ZMAT4: variants seen among roughly 807,000 people sequenced by gnomAD.
ZMAT4 encodes zinc finger matrin-type 4, also known as zinc finger matrin-type protein 4.
A neutral mutation model predicts 28.7 loss-of-function variants in ZMAT4; 17 were observed. That is an observed-to-expected ratio of 0.59 (90% CI 0.41 to 0.89). The LOEUF (loss-of-function observed/expected upper bound fraction) is 0.89. Ranked by LOEUF, ZMAT4 falls within the 40% of genes least tolerant of loss-of-function variation. ZMAT4 has a pLI of 0.00. For synonymous variants in ZMAT4, 117 were observed against 109.2 expected (o/e 1.07, Z -0.44); for missense variants, 240 against 283.8 (o/e 0.85, Z 1.11).
intron 5 of ZMAT4, among the ~76,000 whole-genome samples, chr8:40,643,439 A>G (rs899907234): frequency 6.6e-6 from 1 of 152,186 alleles, no homozygotes; most frequent in African/African-American, 2.4e-5. Context: ...TGAAGCTAGC[A>G]TGGTGGGGAA....
At chr8:40,685,113 C>T (rs1809343198) in intron 4 of ZMAT4, among the ~76,000 whole-genome samples, 1 of 122,872 alleles carries the variant, frequency 8.1e-6, no homozygotes, top group South Asian at 2.8e-4. Context: ...TTTATCTCAA[C>T]TGCCATTTGG....
chr8:40,620,392 G>A (rs1806153400), intron 5 of ZMAT4, among the ~76,000 whole-genome samples: 1 of 152,234 alleles, frequency 6.6e-6, no homozygotes, highest in African/African-American at 2.4e-5. Flanking sequence ...TCAGGCCACA[G>A]GATAAGGACA....
At chr8:40,570,743 C>CAAACAAAA (rs764257682) in intron 6 of ZMAT4, among the ~76,000 whole-genome samples, 21 of 151,774 alleles carry the variant, frequency 1.4e-4, no homozygotes, top group Admixed American at 5.9e-4. Context: ...AACAAACAAA[C>CAAACAAAA]AAACAAAAAA....
intron 6 of ZMAT4, among the ~76,000 whole-genome samples, chr8:40,574,216 G>A (rs993703386): frequency 6.6e-6 from 1 of 152,066 alleles, no homozygotes; most frequent in Non-Finnish European, 1.5e-5. Context: ...AGTTAGTGTA[G>A]TTGATGTTGG....
At chr8:40,567,287 C>G (rs1192018930) in intron 6 of ZMAT4, among the ~76,000 whole-genome samples, 6 of 152,118 alleles carry the variant, frequency 3.9e-5, no homozygotes, top group African/African-American at 1.4e-4. Flanking sequence ...AAGAAAAATA[C>G]ATGGTTCCTA....
rs376360770 is a variant in ZMAT4, at chr8:40,532,191, G to A, written c.*32C>T. 25 of 1,577,572 alleles carry A rather than the reference G, an allele frequency of 1.6e-5. No homozygotes were observed. The highest frequency in any genetic ancestry group is 1.2e-5 in the Non-Finnish European group (14 of 1,161,408). On this transcript the variant is annotated 3_prime_UTR_variant, in exon 7 of 7. Transcript: ENST00000297737. ...TTCTCCACGGCAGAGAAATGCTAAT[G>A]TTTTGTTCTTATGTCTTGATTGATG...
At chr8:40,539,331 G>T (rs1563331502) in intron 6 of ZMAT4, among the ~76,000 whole-genome samples, 1 of 152,162 alleles carries the variant, frequency 6.6e-6, no homozygotes, top group Non-Finnish European at 1.5e-5. Context: ...CTCACTCCCA[G>T]ATCCTCACAT....
chr8:40,709,612 T>C (rs1023600768), intron 3 of ZMAT4, among the ~76,000 whole-genome samples: 2 of 152,194 alleles, frequency 1.3e-5, no homozygotes, highest in African/African-American at 4.8e-5. Flanking sequence ...GACATATAAG[T>C]ATAAAGGACC....
At chr8:40,816,671 A>G (rs1815553802) in intron 2 of ZMAT4, among the ~76,000 whole-genome samples, 2 of 152,234 alleles carry the variant, frequency 1.3e-5, no homozygotes, top group Admixed American at 1.3e-4. Context: ...GTTCTATTCT[A>G]GGACTTCTAG....
intron 1 of ZMAT4, among the ~76,000 whole-genome samples, chr8:40,835,243 GA>G (rs1300189033): frequency 3.3e-5 from 5 of 152,152 alleles, no homozygotes; most frequent in Admixed American, 3.3e-4. Context: ...AAACAGAAAA[GA>G]TCACTAGCCT....
intron 1 of ZMAT4, among the ~76,000 whole-genome samples, chr8:40,829,401 A>G (rs934615946): frequency 1.3e-5 from 2 of 152,234 alleles, no homozygotes; most frequent in African/African-American, 4.8e-5. Flanking sequence ...ACGCAGTACT[A>G]GAGCAGGGAG....
chr8:40,569,479 A>C (rs1214690786), intron 6 of ZMAT4, among the ~76,000 whole-genome samples: 2 of 152,220 alleles, frequency 1.3e-5, no homozygotes, highest in Non-Finnish European at 1.5e-5. Flanking sequence ...GCACTACACT[A>C]ACTTACAGAA....
chr8:40,740,990 GCGCACA>G (rs1811977574), intron 3 of ZMAT4, among the ~76,000 whole-genome samples: 2 of 86,258 alleles, frequency 2.3e-5, no homozygotes, highest in East Asian at 3.7e-4. Flanking sequence ...TTTGATAAAT[GCGCACA>G]CACACACACA....
chr8:40,655,529 GA>G (rs2118835855), intron 5 of ZMAT4, among the ~76,000 whole-genome samples: 1 of 150,558 alleles, frequency 6.6e-6, no homozygotes, highest in South Asian at 2.1e-4. Flanking sequence ...CAAAATTGGA[GA>G]ACTGACACTT....
At chr8:40,849,494 C>G (rs1817025795) in intron 1 of ZMAT4, among the ~76,000 whole-genome samples, 2 of 152,158 alleles carry the variant, frequency 1.3e-5, no homozygotes, top group African/African-American at 2.4e-5. Flanking sequence ...TCTTGGGTCC[C>G]AAAAACTTGC....
chr8:40,668,567 A>G (rs1344442181), intron 5 of ZMAT4, among the ~76,000 whole-genome samples: 1 of 152,152 alleles, frequency 6.6e-6, no homozygotes, highest in Non-Finnish European at 1.5e-5. Flanking sequence ...TTCTAGGGAA[A>G]AAAAATGCCA....
intron 4 of ZMAT4, among the ~76,000 whole-genome samples, chr8:40,680,074 C>T (rs1441438086): frequency 6.6e-6 from 1 of 152,154 alleles, no homozygotes; most frequent in Non-Finnish European, 1.5e-5. Flanking sequence ...TCAAAGTGTA[C>T]ATACATATCA....
chr8:40,745,381 A>G (rs1417866142), intron 3 of ZMAT4, among the ~76,000 whole-genome samples: 1 of 152,152 alleles, frequency 6.6e-6, no homozygotes, highest in Non-Finnish European at 1.5e-5. Context: ...AACTACAAGC[A>G]AGTAATTCAA....
chr8:40,793,595 T>G (rs1012158689), intron 2 of ZMAT4, among the ~76,000 whole-genome samples: 1 of 152,220 alleles, frequency 6.6e-6, no homozygotes, highest in Admixed American at 6.5e-5. Flanking sequence ...TGATGTTTAA[T>G]CTCATCTCCA....
Sources: allele counts gnomAD v4.1 joint callset (sites outside exome capture counted in the v4.1 genomes callset), GRCh38; gene constraint gnomAD v4.1.1; transcripts MANE v1.5; gene names NCBI Gene and HGNC (gene_info 2026-07-23, HGNC 2026-07-21).